Variants in TMEM178B observed in about 807,000 individuals in gnomAD.
TMEM178B encodes transmembrane protein 178B.
TMEM178B carries 5 observed loss-of-function variants against 31.0 expected under a neutral mutation model. The observed-to-expected ratio is 0.16, with a 90% CI of 0.08 to 0.34. The LOEUF (loss-of-function observed/expected upper bound fraction) is 0.34, where lower values mean the gene tolerates loss of function less well. Ranked by LOEUF, TMEM178B falls within the 10% of genes least tolerant of loss-of-function variation. The pLI is 1.00. For synonymous variants in TMEM178B, 164 were observed against 164.0 expected, an observed-to-expected ratio of 1.00 and a Z score of 0.00; for missense variants, 275 against 400.3, an observed-to-expected ratio of 0.69 and a Z score of 2.67.
chr7:141,459,268 A>T (rs1802020905), intron 3 of TMEM178B, among the ~76,000 whole-genome samples: 1 of 152,118 alleles, frequency 6.6e-6, no homozygotes. Context: ...ACTTCAGGTG[A>T]TCCACCGCCT....
intron 1 of TMEM178B, among the ~76,000 whole-genome samples, chr7:141,208,444 G>T (rs1264956051): frequency 6.6e-6 from 1 of 152,214 alleles, no homozygotes; most frequent in Non-Finnish European, 1.5e-5. Context: ...CTTATTTGGT[G>T]CCCAGATGGT....
rs1167093832 is a variant in TMEM178B at position 141,473,985 on chromosome 7, A to G, written c.*3199A>G. 6.6e-6 allele frequency: 1 copy of G among 152,036 alleles called. No homozygotes were observed. Among genetic ancestry groups the G allele is most frequent in the Non-Finnish European group, 1.5e-5 (1 of 68,016 alleles). The allele number at this position is 152,036 out of a possible 1,614,324, so 9.4% of individuals were successfully genotyped here. ...TGACTTGTGAGGCTCTGTAGGTCAG[A>G]CTCTGCTAACTCCAAATCAAAGTGG... On this transcript the variant is annotated 3_prime_UTR_variant, in exon 4 of 4. Transcript: ENST00000565468.
intron 1 of TMEM178B, among the ~76,000 whole-genome samples, chr7:141,081,797 A>G (rs1412043736): frequency 6.6e-6 from 1 of 152,232 alleles, no homozygotes; most frequent in Non-Finnish European, 1.5e-5. Flanking sequence ...TACAGTATTT[A>G]TAAGGTCTAC....
At chr7:141,442,679 T>C (rs12111651) in intron 3 of TMEM178B, among the ~76,000 whole-genome samples, 8,691 of 152,256 alleles carry the variant, frequency 0.057, 670 homozygotes, top group African/African-American at 0.18. Flanking sequence ...ATGGCTCATT[T>C]TTCCAATTCA....
At chr7:141,405,037 A>G (rs576462653) in intron 2 of TMEM178B, among the ~76,000 whole-genome samples, 9 of 152,272 alleles carry the variant, frequency 5.9e-5, no homozygotes, top group Admixed American at 4.6e-4. Flanking sequence ...TCTCTCCTAC[A>G]TCAGCACAGG....
chr7:141,363,224 G>T (rs532197298), intron 2 of TMEM178B, among the ~76,000 whole-genome samples: 1 of 152,338 alleles, frequency 6.6e-6, no homozygotes, highest in East Asian at 1.9e-4. Context: ...AAACCTTCGG[G>T]ATTCGCCTTT....
intron 1 of TMEM178B, among the ~76,000 whole-genome samples, chr7:141,204,951 G>C (rs1311092174): frequency 6.6e-6 from 1 of 151,976 alleles, no homozygotes; most frequent in Non-Finnish European, 1.5e-5. Context: ...CTTTTGAGTA[G>C]CTAAGACCAC....
At chr7:141,379,016 T>G (rs570542185) in intron 2 of TMEM178B, among the ~76,000 whole-genome samples, 21 of 152,216 alleles carry the variant, frequency 1.4e-4, no homozygotes, top group African/African-American at 4.6e-4. Flanking sequence ...AAACATCCTC[T>G]GCTTGGGGGA....
chr7:141,199,291 G>A (rs1796836983), intron 1 of TMEM178B, among the ~76,000 whole-genome samples: 1 of 152,228 alleles, frequency 6.6e-6, no homozygotes, highest in Non-Finnish European at 1.5e-5. Flanking sequence ...ACTGTGAAAT[G>A]TTATAGGTTG....
intron 2 of TMEM178B, among the ~76,000 whole-genome samples, chr7:141,434,206 C>T (rs1386916079): frequency 6.6e-6 from 1 of 152,230 alleles, no homozygotes; most frequent in African/African-American, 2.4e-5. Context: ...GCCCACTTTC[C>T]CATCCGTGGC....
intron 2 of TMEM178B, among the ~76,000 whole-genome samples, chr7:141,411,356 C>T (rs960078696): frequency 7.9e-5 from 12 of 152,094 alleles, no homozygotes; most frequent in Middle Eastern, 3.4e-3. Flanking sequence ...GTGATGGTTG[C>T]GCAACAGTAT....
At chr7:141,342,421 T>A (rs1342092001) in intron 2 of TMEM178B, among the ~76,000 whole-genome samples, 2 of 152,152 alleles carry the variant, frequency 1.3e-5, no homozygotes, top group African/African-American at 4.8e-5. Flanking sequence ...TTCAAAAAAA[T>A]TCGTTTTCTC....
At chr7:141,078,370 T>C (rs1452697794) in intron 1 of TMEM178B, among the ~76,000 whole-genome samples, 3 of 152,242 alleles carry the variant, frequency 2.0e-5, no homozygotes, top group African/African-American at 4.8e-5. Flanking sequence ...GGCCTTATAA[T>C]AGACTTTGAC....
intron 2 of TMEM178B, among the ~76,000 whole-genome samples, chr7:141,419,839 C>T (rs1024569767): frequency 6.6e-6 from 1 of 152,168 alleles, no homozygotes; most frequent in Non-Finnish European, 1.5e-5. Flanking sequence ...TTGTTTCTAA[C>T]AGATCACTAC....
chr7:141,250,721 T>TC (rs1161488401), intron 2 of TMEM178B, among the ~76,000 whole-genome samples: 2 of 152,146 alleles, frequency 1.3e-5, no homozygotes, highest in Non-Finnish European at 2.9e-5. Flanking sequence ...TCTTCTCTCA[T>TC]CCCCCCTTCC....
At chr7:141,271,440 G>A (rs1015266432) in intron 2 of TMEM178B, among the ~76,000 whole-genome samples, 1 of 152,184 alleles carries the variant, frequency 6.6e-6, no homozygotes. Flanking sequence ...AACTGGTGTA[G>A]GAGCTGGGCA....
chr7:141,432,824 C>G (rs1358395493), intron 2 of TMEM178B, among the ~76,000 whole-genome samples: 1 of 152,142 alleles, frequency 6.6e-6, no homozygotes, highest in Non-Finnish European at 1.5e-5. Context: ...TGAAAAATGC[C>G]TGCGGGCACT....
rs760665055 is a variant in TMEM178B at position 141,152,026 on chromosome 7, G to A, written c.383-60565G>A. On this transcript the variant is annotated intron_variant, in intron 1 of 3. Coordinates refer to ENST00000565468, the MANE Select transcript of TMEM178B (RefSeq NM_001195278.2). ...GAGGACTTCCCTGTCTCTGTGACTC[G>A]TAGGGAGAGAGGGGGCTCAGTGGCC... Among the ~76,000 whole-genome samples the A allele has an allele frequency of 5.9e-5, 9 of 152,312 alleles. No individual in the cohort carries two copies. In the East Asian group the frequency reaches 9.7e-4, roughly 16 times the overall value.
intron 2 of TMEM178B, among the ~76,000 whole-genome samples, chr7:141,312,789 A>T (rs749530102): frequency 6.6e-6 from 1 of 152,246 alleles, no homozygotes; most frequent in African/African-American, 2.4e-5. Context: ...TGCAGTTTCT[A>T]AAGCAGGTGG....
Sources: allele counts gnomAD v4.1 joint callset (sites outside exome capture counted in the v4.1 genomes callset), GRCh38; gene constraint gnomAD v4.1.1; transcripts MANE v1.5; gene names NCBI Gene and HGNC (gene_info 2026-07-23, HGNC 2026-07-21).